The following ZC3H12B variants were observed in gnomAD, a reference collection of about 807,000 sequenced individuals.
ZC3H12B encodes the protein probable ribonuclease ZC3H12B.
ZC3H12B carries 7 observed loss-of-function variants against 43.9 expected under a neutral mutation model. That is an observed-to-expected ratio of 0.16 (90% CI 0.09 to 0.30). The LOEUF (loss-of-function observed/expected upper bound fraction) is 0.30, where lower values mean the gene tolerates loss of function less well. ZC3H12B is among the 10% of genes least tolerant of loss of function. ZC3H12B has a pLI of 1.00. For missense variants in ZC3H12B, 475 were observed against 670.2 expected (o/e 0.71, Z 3.22); for synonymous variants, 222 against 241.7 (o/e 0.92, Z 0.76).
At chrX:65,083,446 G>A in the ZC3H12B span, among the ~76,000 whole-genome samples, 10 of 112,002 alleles carry the variant, frequency 8.9e-5, no homozygotes, top group East Asian at 2.5e-3. Flanking sequence ...ACATTCAGTA[G>A]CATTTCTATA....
intron 3 of ZC3H12B, among the ~76,000 whole-genome samples, chrX:65,442,596 C>T (rs1012890779): frequency 7.2e-5 from 8 of 111,633 alleles, no homozygotes; most frequent in African/African-American, 2.3e-4. Flanking sequence ...TGAATGGAAG[C>T]TTCATCTGCC....
At chrX:65,142,190 G>T in the ZC3H12B span, among the ~76,000 whole-genome samples, 15 of 112,069 alleles carry the variant, frequency 1.3e-4, no homozygotes, top group Admixed American at 4.7e-4. Context: ...TTTGATTATA[G>T]CCATTCTTGC....
At chrX:65,496,287 AT>A (rs2068280025) in intron 1 of ZC3H12B, among the ~76,000 whole-genome samples, 1 of 112,051 alleles carries the variant, frequency 8.9e-6, no homozygotes. Flanking sequence ...TGTAATAAGA[AT>A]TTTCAGTGAG....
At chrX:65,172,800 G>C in the ZC3H12B span, among the ~76,000 whole-genome samples, 10 of 111,699 alleles carry the variant, frequency 9.0e-5, no homozygotes, top group Non-Finnish European at 1.9e-5. Flanking sequence ...GTTTTGGTAC[G>C]AGTAGCATGC....
chrX:65,235,274 T>A, the ZC3H12B span, among the ~76,000 whole-genome samples: 6 of 112,073 alleles, frequency 5.4e-5, no homozygotes, highest in Non-Finnish European at 1.1e-4. Flanking sequence ...TACCATTTTG[T>A]CTTCCACAGT....
chrX:65,215,054 G>A, the ZC3H12B span, among the ~76,000 whole-genome samples: 2 of 111,077 alleles, frequency 1.8e-5, no homozygotes, highest in Admixed American at 1.9e-4. Context: ...CCCAAAAACG[G>A]GCTTAATATG....
the ZC3H12B span, among the ~76,000 whole-genome samples, chrX:65,242,746 A>G: frequency 4.4e-5 from 5 of 112,391 alleles, no homozygotes; most frequent in Non-Finnish European, 9.4e-5. Flanking sequence ...AAGGTATAGT[A>G]CCCAAAACAT....
At chrX:65,175,764 G>T in the ZC3H12B span, among the ~76,000 whole-genome samples, 1 of 111,812 alleles carries the variant, frequency 8.9e-6, no homozygotes, top group Non-Finnish European at 1.9e-5. Context: ...GTGGGGCGTT[G>T]CCTCACCTGG....
chrX:65,472,304 T>C (rs1246018322), intron 3 of ZC3H12B, among the ~76,000 whole-genome samples: 1 of 111,976 alleles, frequency 8.9e-6, no homozygotes, highest in East Asian at 2.8e-4. Context: ...ATTAGATATA[T>C]GTTTTCCAAA....
the ZC3H12B span, among the ~76,000 whole-genome samples, chrX:65,112,966 T>A: frequency 6.3e-5 from 7 of 111,944 alleles, no homozygotes; most frequent in Non-Finnish European, 9.4e-5. Context: ...ATTGAAAACC[T>A]TCTGGAAATG....
At chrX:65,406,489 GA>G (rs1201164400) in intron 3 of ZC3H12B, among the ~76,000 whole-genome samples, 3 of 105,345 alleles carry the variant, frequency 2.8e-5, no homozygotes, top group African/African-American at 3.5e-5. Flanking sequence ...TAAAACAGGG[GA>G]TAGAAAGAAC....
the ZC3H12B span, among the ~76,000 whole-genome samples, chrX:65,127,055 T>C: frequency 9.0e-6 from 1 of 110,789 alleles, no homozygotes; most frequent in East Asian, 2.9e-4. Flanking sequence ...GTATGATCTT[T>C]TGGGGATGTT....
chrX:65,192,119 G>C, the ZC3H12B span, among the ~76,000 whole-genome samples: 121 of 109,600 alleles, frequency 1.1e-3, 1 homozygote, highest in East Asian at 0.024. Context: ...CTTTGAGTGA[G>C]ATTCTTAATC....
At chrX:65,248,553 G>A in the ZC3H12B span, among the ~76,000 whole-genome samples, 1 of 111,850 alleles carries the variant, frequency 8.9e-6, no homozygotes, top group Middle Eastern at 4.2e-3. Flanking sequence ...TAGGGACACA[G>A]CAGTGAGTAT....
chrX:65,149,490 G>T, the ZC3H12B span, among the ~76,000 whole-genome samples: 201 of 111,044 alleles, frequency 1.8e-3, 1 homozygote, highest in African/African-American at 6.2e-3. Context: ...TATGTGCCGG[G>T]TGCAGTGGCT....
At chrX:65,266,853 G>A in the ZC3H12B span, among the ~76,000 whole-genome samples, 1 of 110,911 alleles carries the variant, frequency 9.0e-6, no homozygotes, top group African/African-American at 3.3e-5. Context: ...AAGATTTAAA[G>A]GTACAAATAT....
chrX:65,361,902 C>A (rs2066108462), upstream of ZC3H12B, among the ~76,000 whole-genome samples: 5 of 112,377 alleles, frequency 4.4e-5, no homozygotes. Flanking sequence ...CAAACCCCAG[C>A]CACATCTCCA....
chrX:65,338,689 G>A, the ZC3H12B span, among the ~76,000 whole-genome samples: 2 of 111,954 alleles, frequency 1.8e-5, no homozygotes, highest in African/African-American at 6.5e-5. Flanking sequence ...TTTATTCCTG[G>A]GATACAAGGT....
intron 3 of ZC3H12B, among the ~76,000 whole-genome samples, chrX:65,481,846 T>C (rs1028291536): frequency 8.1e-5 from 9 of 111,169 alleles, no homozygotes; most frequent in Non-Finnish European, 1.5e-4. Context: ...TTAAAACTTG[T>C]AACCTCTGTG....
Sources: gnomAD v4.1 joint callset for allele counts (sites outside exome capture counted in the v4.1 genomes callset) on GRCh38, gnomAD v4.1.1 for gene constraint, MANE v1.5 for transcripts, NCBI Gene and HGNC (gene_info 2026-07-23, HGNC 2026-07-21) for gene names.